Variants in RIMKLB observed in about 807,000 individuals in gnomAD.
RIMKLB encodes the protein ribosomal modification protein rimK like family member B.
Under a neutral mutation model 32.0 loss-of-function variants are expected in RIMKLB, and 7 were observed. That is an observed-to-expected ratio of 0.22 (90% CI 0.12 to 0.41). RIMKLB has a LOEUF of 0.41. Ranked by LOEUF, RIMKLB falls within the 10% of genes least tolerant of loss-of-function variation. The pLI is 1.00. For synonymous variants in RIMKLB, 172 were observed against 185.1 expected (o/e 0.93, Z 0.57); for missense variants, 289 against 498.7 (o/e 0.58, Z 4.00).
intron 1 of RIMKLB, among the ~76,000 whole-genome samples, chr12:8,687,629 C>G (rs760525085): frequency 2.6e-5 from 4 of 152,078 alleles, no homozygotes; most frequent in Non-Finnish European, 4.4e-5. Context: ...TCCCCTCCTT[C>G]CTTTCTTCCT....
chr12:8,782,404 TACAC>T (rs61435385), intron 7 of RIMKLB, among the ~76,000 whole-genome samples: 1 of 152,070 alleles, frequency 6.6e-6, no homozygotes, highest in Non-Finnish European at 1.5e-5. Flanking sequence ...TGTGGTTTTA[TACAC>T]ACACACATAT....
chr12:8,775,347 C>T lies in RIMKLB; in HGVS notation c.*1563C>T. 1.0e-6 allele frequency: 1 copy of T among 985,286 alleles called. No homozygotes were observed. The highest frequency in any genetic ancestry group is 1.2e-6 in the Non-Finnish European group (1 of 829,836). The allele number at this position is 985,286 out of a possible 1,614,324, so 61.0% of individuals were successfully genotyped here. ...TACTTGCAGAATTTATAAAAGCCCC[C>T]AAACTGCATATAATATGAGCCTTTA... On this transcript the variant is annotated 3_prime_UTR_variant, in exon 6 of 6. Coordinates refer to ENST00000535829, the MANE Select transcript of RIMKLB (RefSeq NM_001297776.2).
chr12:8,777,713 T>A, downstream of RIMKLB: 4 of 1,274,050 alleles, frequency 3.1e-6, no homozygotes, highest in Non-Finnish European at 4.1e-6. Flanking sequence ...TCAGTGCCCT[T>A]CTAAACTCCC....
chr12:8,669,802 C>A, the RIMKLB span, among the ~76,000 whole-genome samples: 1 of 151,546 alleles, frequency 6.6e-6, no homozygotes, highest in African/African-American at 2.4e-5. Context: ...CCGAGGCGGG[C>A]GGATCACGAG....
chr12:8,720,366 G>A (rs1221464820), intron 2 of RIMKLB, among the ~76,000 whole-genome samples: 2 of 152,140 alleles, frequency 1.3e-5, no homozygotes, highest in African/African-American at 2.4e-5. Context: ...TTGACGCTTA[G>A]TGGTCAACTA....
rs74406305 is a variant in RIMKLB, at chr12:8,699,244, G to T, written c.-57+947G>T. On this transcript the variant is annotated intron_variant, in intron 1 of 5. Coordinates refer to ENST00000535829, the MANE Select transcript of RIMKLB (RefSeq NM_001297776.2). ...CTCTAAATAGGTATAGAAAGTATAT[G>T]GGCAGCCTACTATGCAGATTTTTTT... Among the ~76,000 whole-genome samples the T allele has an allele frequency of 2.7e-3, 418 of 152,152 alleles. 10 individuals are homozygous for T. In the East Asian group the frequency reaches 0.048, roughly 18 times the overall value.
At chr12:8,719,800 T>C (rs764051974) in intron 2 of RIMKLB, among the ~76,000 whole-genome samples, 8 of 152,194 alleles carry the variant, frequency 5.3e-5, no homozygotes, top group Non-Finnish European at 1.0e-4. Context: ...CAAGTAAAAA[T>C]ACAAAATTGC....
chr12:8,712,307 G>C (rs1287704276), intron 1 of RIMKLB, among the ~76,000 whole-genome samples: 1 of 152,080 alleles, frequency 6.6e-6, no homozygotes, highest in African/African-American at 2.4e-5. Flanking sequence ...TGCTACTTGG[G>C]AGGCTGAGGC....
upstream of RIMKLB, among the ~76,000 whole-genome samples, chr12:8,693,913 T>G (rs910394402): frequency 6.6e-6 from 1 of 152,140 alleles, no homozygotes; most frequent in South Asian, 2.1e-4. Flanking sequence ...AATCAGTTTT[T>G]GGGAGCTCTC....
intron 2 of RIMKLB, among the ~76,000 whole-genome samples, chr12:8,743,631 G>A (rs1947794614): frequency 3.3e-5 from 5 of 151,738 alleles, no homozygotes; most frequent in African/African-American, 1.2e-4. Context: ...ATTATGGGGA[G>A]GGAGAGATTG....
intron 2 of RIMKLB, among the ~76,000 whole-genome samples, chr12:8,740,053 T>C (rs1455689478): frequency 4.6e-5 from 7 of 152,050 alleles, no homozygotes; most frequent in Non-Finnish European, 1.0e-4. Flanking sequence ...TTACAGACGC[T>C]CACCACTGCG....
At chr12:8,716,065 T>A (rs1203262021) in intron 2 of RIMKLB, among the ~76,000 whole-genome samples, 1 of 152,206 alleles carries the variant, frequency 6.6e-6, no homozygotes, top group Non-Finnish European at 1.5e-5. Flanking sequence ...TGTAAAACGT[T>A]AGTTCACTCA....
intron 1 of RIMKLB, among the ~76,000 whole-genome samples, chr12:8,691,454 A>C (rs1942730787): frequency 1.3e-5 from 2 of 152,016 alleles, no homozygotes; most frequent in Non-Finnish European, 2.9e-5. Context: ...TACTAAAAAT[A>C]CAAAAATTTG....
the RIMKLB span, among the ~76,000 whole-genome samples, chr12:8,670,585 T>C: frequency 6.6e-6 from 1 of 152,132 alleles, no homozygotes; most frequent in African/African-American, 2.4e-5. Context: ...CAGAGTACAG[T>C]CTCCCTTCCA....
chr12:8,681,079 G>T (rs781117208), upstream of RIMKLB, among the ~76,000 whole-genome samples: 1 of 151,512 alleles, frequency 6.6e-6, no homozygotes, highest in African/African-American at 2.4e-5. Context: ...TCCCACCTCA[G>T]CCTCCCAAGT....
intron 1 of RIMKLB, among the ~76,000 whole-genome samples, chr12:8,704,642 T>A (rs929095123): frequency 6.6e-6 from 1 of 152,180 alleles, no homozygotes. Flanking sequence ...GTCTGTTAAG[T>A]GTTCCCTGAC....
downstream of RIMKLB, chr12:8,777,571 T>C (rs1950810438): frequency 2.3e-6 from 3 of 1,283,130 alleles, no homozygotes; most frequent in African/African-American, 4.6e-5. Flanking sequence ...CTGCTTGCAC[T>C]GTTACTGTTC....
chr12:8,725,007 C>T (rs1049026334), intron 2 of RIMKLB, among the ~76,000 whole-genome samples: 1 of 152,176 alleles, frequency 6.6e-6, no homozygotes, highest in African/African-American at 2.4e-5. Context: ...TATAATTTCT[C>T]AGTCGATTTT....
the RIMKLB span, among the ~76,000 whole-genome samples, chr12:8,675,159 C>T: frequency 5.9e-5 from 9 of 152,236 alleles, no homozygotes; most frequent in African/African-American, 2.2e-4. Flanking sequence ...CCACACCTGG[C>T]CCTTTTCTCA....
Sources: gnomAD v4.1 joint callset for allele counts (sites outside exome capture counted in the v4.1 genomes callset) on GRCh38, gnomAD v4.1.1 for gene constraint, MANE v1.5 for transcripts, NCBI Gene and HGNC (gene_info 2026-07-23, HGNC 2026-07-21) for gene names.